The following NPFFR1 variants were observed in gnomAD, a reference collection of about 807,000 sequenced individuals.
NPFFR1 encodes G-protein coupled receptor 147.
In NPFFR1, 17 loss-of-function variants were observed where a neutral mutation model predicts 12.7. The ratio of observed to expected loss-of-function variants is 1.34; its 90% CI spans 0.92 to 2.01. The LOEUF (loss-of-function observed/expected upper bound fraction) is 2.01, where lower values mean the gene tolerates loss of function less well. NPFFR1 is among the 30% of genes most tolerant of loss of function. The probability of loss-of-function intolerance (pLI) is 0.00; values close to 1 mark genes in which losing one functional copy is unlikely to be tolerated. For synonymous variants in NPFFR1, 296 were observed against 264.5 expected (o/e 1.12, Z -1.16); for missense variants, 604 against 606.5 (o/e 1.00, Z 0.04).
intron 1 of NPFFR1, among the ~76,000 whole-genome samples, chr10:70,272,190 G>GAAAA (rs1564596660): frequency 7.9e-6 from 1 of 127,076 alleles, no homozygotes; most frequent in African/African-American, 3.0e-5. Flanking sequence ...GAGGGAGGGA[G>GAAAA]GAAAGAAAGA....
At chr10:70,274,659 C>T (rs192308372) in intron 1 of NPFFR1, among the ~76,000 whole-genome samples, 1 of 152,302 alleles carries the variant, frequency 6.6e-6, no homozygotes, top group African/African-American at 2.4e-5. Flanking sequence ...CTACTTCATC[C>T]CTGTGTTCTC....
chr10:70,266,451 C>A, intron 1 of NPFFR1, 60 bp from the exon 2 acceptor site: 1 of 1,367,264 alleles, frequency 7.3e-7, no homozygotes, highest in Non-Finnish European at 1.0e-6. Context: ...ACCGATTTCT[C>A]ACCACTAATG....
rs1840565718 is a variant in NPFFR1, at chr10:70,255,840, G to A, written c.423-13C>T. ...GATGCAGCGGAACCTGCCGCGGGGAGAGAGACAGGCGGGATCTGGGTGGGT... is the reference window on the plus strand; with the variant it reads ...GATGCAGCGGAACCTGCCGCGGGGAAAGAGACAGGCGGGATCTGGGTGGGT... On this transcript the variant is annotated splice_polypyrimidine_tract_variant and intron_variant, in intron 3 of 3. Transcript: ENST00000277942. The surrounding 1 kb of genome is among the most constrained non-coding windows in gnomAD (Gnocchi z 4.2). 1.3e-6 allele frequency: 2 copies of A among 1,599,440 alleles called. No homozygotes were observed. The highest frequency in any genetic ancestry group is 3.4e-5 in the Admixed American group (2 of 58,130).
chr10:70,264,619 G>C (rs1320839778), intron 2 of NPFFR1, among the ~76,000 whole-genome samples: 1 of 152,100 alleles, frequency 6.6e-6, no homozygotes, highest in African/African-American at 2.4e-5. Flanking sequence ...TTTAAGTGGG[G>C]TGTGGTGGGA....
At position 70,255,898 on chromosome 10, in the gene NPFFR1, A is replaced by T. The variant is rs1589908923; in HGVS notation, c.423-71T>A. On this transcript the variant is annotated intron_variant, in intron 3 of 3. Coordinates refer to ENST00000277942, the MANE Select transcript of NPFFR1 (RefSeq NM_022146.5). The surrounding 1 kb of genome is among the most constrained non-coding windows in gnomAD (Gnocchi z 4.2). ...CCCCTGCGAGGGGACGGTGGGTGGG[A>T]TGCGGGCACCTGACCTTCATCATCG... The T allele has an allele frequency of 6.7e-7, 1 of 1,482,682 alleles. No individual in the cohort carries two copies. The highest frequency in any genetic ancestry group is 2.5e-5 in the East Asian group (1 of 40,758). The allele number at this position is 1,482,682 out of a possible 1,614,324, so 91.8% of individuals were successfully genotyped here. A position where few individuals can be genotyped will look rare whatever the true frequency, so the allele number is the denominator to read the frequency against.
chr10:70,271,417 G>A (rs943277314), intron 1 of NPFFR1, among the ~76,000 whole-genome samples: 1 of 152,168 alleles, frequency 6.6e-6, no homozygotes, highest in Non-Finnish European at 1.5e-5. Flanking sequence ...GGAGGTTGAG[G>A]TGGGAGGATC....
At chr10:70,276,143 T>G (rs189711082) in intron 1 of NPFFR1, among the ~76,000 whole-genome samples, 8 of 152,344 alleles carry the variant, frequency 5.3e-5, no homozygotes, top group Admixed American at 3.9e-4. Context: ...CTGAGGCTTC[T>G]GCTACAAAGC....
chr10:70,273,445 T>A lies in NPFFR1; in HGVS notation c.8-7054A>T, dbSNP rs556341687. 2.0e-5 allele frequency among the ~76,000 whole-genome samples: 3 copies of A among 152,348 alleles called. No individual in the cohort carries two copies. In the South Asian group the frequency reaches 6.2e-4, roughly 32 times the overall value. On this transcript the variant is annotated intron_variant, in intron 1 of 3. Transcript: ENST00000277942. ...GGCTTCCTTTTGTTATGCCAATCAA[T>A]GGTTCCTGTCTGGAGGAATTTATGG...
chr10:70,281,683 T>G (rs1170327070), intron 1 of NPFFR1, among the ~76,000 whole-genome samples: 1 of 152,110 alleles, frequency 6.6e-6, no homozygotes, highest in East Asian at 1.9e-4. Flanking sequence ...TTACTCACAG[T>G]GGGTAGTGAA....
chr10:70,266,249 A>G lies in NPFFR1; in HGVS notation c.150T>C (p.Tyr50=). The G allele has an allele frequency of 6.2e-7, 1 of 1,614,040 alleles. No homozygotes were observed. Among genetic ancestry groups the G allele is most frequent in the Non-Finnish European group, 8.5e-7 (1 of 1,179,894 alleles). ...CCATGCAGAGCAGGAAGATGAGCGC[A>G]TAGGCCACAATGAACATGGCCGCCA... ...SPVAAMFIVA[Y]ALIFLLCMVG... Residue 50 remains tyrosine (Y), a synonymous_variant, in exon 2 of 4, where the codon TAT becomes TAC. Coordinates refer to ENST00000277942, the MANE Select transcript of NPFFR1 (RefSeq NM_022146.5).
At chr10:70,283,236 T>A (rs1840880483) in intron 1 of NPFFR1, among the ~76,000 whole-genome samples, 1 of 150,356 alleles carries the variant, frequency 6.7e-6, no homozygotes, top group African/African-American at 2.5e-5. Context: ...TCTCTCTCTC[T>A]CTCACACACA....
Position 70,281,510 on chromosome 10 carries a change from T to C in NPFFR1, c.7+2160A>G, listed in dbSNP as rs1458864281. Among the ~76,000 whole-genome samples the C allele has an allele frequency of 3.9e-5, 6 of 152,290 alleles. No homozygotes were observed. In the East Asian group the frequency reaches 9.6e-4, roughly 24 times the overall value. ...TAGACTCCCTATATCCAAGCTCTTG[T>C]CTTAGGGTCTGCTTTCAGAAGCAGG... On this transcript the variant is annotated intron_variant, in intron 1 of 3. Transcript: ENST00000277942.
chr10:70,272,235 A>AG (rs1424953017), intron 1 of NPFFR1, among the ~76,000 whole-genome samples: 3 of 6,236 alleles, frequency 4.8e-4, no homozygotes, highest in Admixed American at 1.5e-3. Flanking sequence ...AAAGAAAGAA[A>AG]GAAAGAAAGA....
chr10:70,255,820 A>T lies in NPFFR1; in HGVS notation c.430T>A (p.Cys144Ser), dbSNP rs1445598576. Reference sequence around the variant, plus strand: ...TTCTCGCGGAAAGGGTGCACGATGCAGCGGAACCTGCCGCGGGGAGAGAGA... The same window carrying T: ...TTCTCGCGGAAAGGGTGCACGATGCTGCGGAACCTGCCGCGGGGAGAGAGA... ...LVAIAVERFRCIVHPFREKLT... is the reference protein window; with the variant it reads ...LVAIAVERFRSIVHPFREKLT... Residue 144 changes from cysteine (C) to serine (S), a missense_variant, in exon 4 of 4, where the codon TGC becomes AGC. Transcript: ENST00000277942. This position sits in a 1 kb window ranked among gnomAD's most constrained non-coding sequence, Gnocchi z 4.2. The T allele has an allele frequency of 6.2e-7, 1 of 1,606,288 alleles. No individual in the cohort carries two copies. Among genetic ancestry groups the T allele is most frequent in the Non-Finnish European group, 8.5e-7 (1 of 1,176,432 alleles).
intron 1 of NPFFR1, among the ~76,000 whole-genome samples, chr10:70,279,466 T>G (rs1840837672): frequency 6.7e-6 from 1 of 150,286 alleles, no homozygotes; most frequent in African/African-American, 2.5e-5. Flanking sequence ...ATTTATTTAT[T>G]TATTTATTTT....
chr10:70,256,511 A>G (rs1840574431), intron 3 of NPFFR1, among the ~76,000 whole-genome samples: 1 of 152,212 alleles, frequency 6.6e-6, no homozygotes, highest in South Asian at 2.1e-4. Flanking sequence ...TTCTCCAGAA[A>G]ACCTCAGGAG....
intron 1 of NPFFR1, among the ~76,000 whole-genome samples, chr10:70,269,860 C>T (rs540879964): frequency 5.5e-4 from 84 of 152,326 alleles, no homozygotes; most frequent in African/African-American, 2.0e-3. Context: ...ATCTCTCTGA[C>T]CTCACCCAGT....
At chr10:70,275,884 A>G (rs1057217657) in intron 1 of NPFFR1, among the ~76,000 whole-genome samples, 2 of 152,188 alleles carry the variant, frequency 1.3e-5, no homozygotes, top group African/African-American at 4.8e-5. Context: ...CAAAACTCAA[A>G]GACAAAAAGA....
chr10:70,254,863 C>G lies in NPFFR1; in HGVS notation c.*94G>C, dbSNP rs1840544353. ...TGGCTCTGGAGAGGGAGGGACCACG[C>G]ATCCTCACCTAACCACACCAGGCCG... On this transcript the variant is annotated 3_prime_UTR_variant, in exon 4 of 4. Transcript: ENST00000277942. 1 of 1,295,206 alleles carries G rather than the reference C, an allele frequency of 7.7e-7. No individual in the cohort carries two copies. The highest frequency in any genetic ancestry group is 9.9e-7 in the Non-Finnish European group (1 of 1,012,332). The allele number at this position is 1,295,206 out of a possible 1,614,324, so 80.2% of individuals were successfully genotyped here. A position where few individuals can be genotyped will look rare whatever the true frequency, so the allele number is the denominator to read the frequency against.
Sources: gnomAD v4.1 joint callset for allele counts (sites outside exome capture counted in the v4.1 genomes callset) on GRCh38, gnomAD v4.1.1 for gene constraint, Gnocchi (gnomAD v3.1) non-coding constraint, MANE v1.5 for transcripts, NCBI Gene and HGNC (gene_info 2026-07-23, HGNC 2026-07-21) for gene names.